Variants in ART3 observed in about 807,000 individuals in gnomAD.
The protein encoded by ART3 is ADP-ribosyltransferase 3 (inactive).
Under a neutral mutation model 48.5 loss-of-function variants are expected in ART3, and 49 were observed. The observed-to-expected ratio is 1.01, with a 90% CI of 0.80 to 1.28. ART3 has a LOEUF of 1.28. ART3 is among the 50% of genes most tolerant of loss of function. The probability of loss-of-function intolerance (pLI) is 0.00; values close to 1 mark genes in which losing one functional copy is unlikely to be tolerated. For missense variants in ART3, 438 were observed against 454.3 expected (o/e 0.96, Z 0.33); for synonymous variants, 145 against 157.2 (o/e 0.92, Z 0.58).
rs555959779 is a variant in ART3, at chr4:76,051,172, C to T, written c.-9-24709C>T. Among the ~76,000 whole-genome samples, 16 of 152,366 alleles carry T rather than the reference C, an allele frequency of 1.1e-4. No individual in the cohort carries two copies. In the East Asian group the frequency reaches 3.1e-3, roughly 29 times the overall value. On this transcript the variant is annotated intron_variant, in intron 1 of 9. Coordinates refer to the ART3 transcript ENST00000341029. ...GTGGGAGCCCAGGCAGAGGAGGTGC[C>T]GAGAGCAAGCGAGGGCTGTGAGGAC...
At chr4:76,063,611 A>G (rs543113468) in intron 1 of ART3, among the ~76,000 whole-genome samples, 1 of 152,332 alleles carries the variant, frequency 6.6e-6, no homozygotes, top group Non-Finnish European at 1.5e-5. Flanking sequence ...TGTGCCATAT[A>G]TATTCCTTTG....
In ART3 at chr4:76,081,917, C is replaced by A. The variant is rs199525110; in HGVS notation, c.163C>A (p.Leu55Met). The A allele has an allele frequency of 1.6e-4, 255 of 1,614,042 alleles. No individual in the cohort carries two copies. Among genetic ancestry groups the A allele is most frequent in the Non-Finnish European group, 2.0e-4 (232 of 1,180,040 alleles). ...DRMEIKYVPQ[L>M]LKEEKASHQQ... ...GATGGAAATTAAATACGTTCCCCAA[C>A]TGCTAAAGGAGGAAAAAGCAAGCCA... is the stretch of plus-strand genomic sequence containing the variant. The change falls in exon 3 of 12, where the codon CTG (leucine) becomes ATG (methionine). Residue 55 changes from leucine (L) to methionine (M), a missense_variant. Physicochemically the swap from Leu to Met is conservative, Grantham distance 15. This residue lies in a region of ART3 where 206 missense variants were observed against 205.3 expected (regional missense o/e 1.00). Coordinates refer to ENST00000355810, the MANE Select transcript of ART3 (RefSeq NM_001130016.3).
chr4:76,097,546 G>A (rs1726283820), intron 3 of ART3, 98 bp from the exon 4 acceptor site: 4 of 1,022,940 alleles, frequency 3.9e-6, no homozygotes, highest in Non-Finnish European at 5.9e-6. Flanking sequence ...TGATAAACCA[G>A]GAGCTGACAG....
intron 1 of ART3, chr4:76,021,631 G>A (rs1467025914): frequency 8.3e-6 from 3 of 362,660 alleles, no homozygotes; most frequent in African/African-American, 2.1e-5. Flanking sequence ...GATGGGAAAG[G>A]TGAGGGAAAT....
chr4:76,061,292 C>T (rs114271499), intron 1 of ART3, among the ~76,000 whole-genome samples: 2,953 of 152,258 alleles, frequency 0.019, 29 homozygotes, highest in Non-Finnish European at 0.028. Flanking sequence ...ACTCCTTAGC[C>T]AGAAATCTGG....
chr4:76,021,939 T>A (rs528493936), intron 1 of ART3: 3 of 1,611,680 alleles, frequency 1.9e-6, no homozygotes, highest in African/African-American at 1.3e-5. Flanking sequence ...TTTAAGGAGA[T>A]CTTTTAGACC....
At chr4:76,035,861 G>A in intron 1 of ART3, 1 of 1,386,090 alleles carries the variant, frequency 7.2e-7, no homozygotes. Flanking sequence ...GATAAAAGTG[G>A]AAGAAAAGAC....
rs143777556 is a variant in ART3, at chr4:76,052,407, C to T, written c.-9-23474C>T. Among the ~76,000 whole-genome samples, 1,100 of 152,318 alleles carry T rather than the reference C, an allele frequency of 7.2e-3. 11 individuals are homozygous for T. The highest frequency in any genetic ancestry group is 0.012 in the Non-Finnish European group (813 of 68,030). ...TTTCAGTGACTACCGTATCACCATA[C>T]GGAACTTCTCATGCTTGAGAGAGCC... On this transcript the variant is annotated intron_variant, in intron 1 of 9. Coordinates refer to the ART3 transcript ENST00000341029.
chr4:76,054,855 G>A (rs1315868172), intron 1 of ART3, among the ~76,000 whole-genome samples: 2 of 152,180 alleles, frequency 1.3e-5, no homozygotes, highest in African/African-American at 4.8e-5. Flanking sequence ...TAAATATTTA[G>A]GCTATGTTTT....
chr4:76,011,470 C>G (rs1242594479), intron 1 of ART3: 1 of 152,632 alleles, frequency 6.6e-6, no homozygotes, highest in South Asian at 2.1e-4. Context: ...AGGTTTCACA[C>G]GAGGCTTGGG....
chr4:76,081,037 G>C (rs935422720), intron 2 of ART3, among the ~76,000 whole-genome samples: 6 of 152,198 alleles, frequency 3.9e-5, no homozygotes, highest in African/African-American at 1.4e-4. Context: ...CTGAAATACA[G>C]TTCAAACTAG....
At chr4:76,015,566 A>G (rs1179885579) in intron 1 of ART3, among the ~76,000 whole-genome samples, 1 of 152,254 alleles carries the variant, frequency 6.6e-6, no homozygotes, top group South Asian at 2.1e-4. Flanking sequence ...AACCTTCCTT[A>G]TCAGTAATAA....
chr4:76,076,769 A>G (rs2149523988), intron 2 of ART3, among the ~76,000 whole-genome samples: 1 of 152,134 alleles, frequency 6.6e-6, no homozygotes. Context: ...CAGAACTTTT[A>G]TGATTTTATT....
chr4:76,082,156 GT>G lies in ART3; in HGVS notation c.404del (p.Phe135SerfsTer15). On this transcript the variant is annotated frameshift_variant, in exon 3 of 12. Transcript: ENST00000355810. LOFTEE classifies it high-confidence loss of function. ...SREDYIYGFQFKAFHFYLTRA... is the reference protein window; with the variant it reads ...SREDYIYGFQXKAFHFYLTRA... ...GAGAAGATTATATCTATGGCTTCCA[GT>G]TCAAAGCTTTCCACTTTTACCTCAC... 1 of 1,614,196 alleles carries G rather than the reference GT, an allele frequency of 6.2e-7. No individual in the cohort carries two copies. Among genetic ancestry groups the G allele is most frequent in the Admixed American group, 1.7e-5 (1 of 60,030 alleles).
rs1733152823 is a variant in ART3 at position 76,024,202 on chromosome 4, A to G, written c.-10+12882A>G. 1.3e-5 allele frequency among the ~76,000 whole-genome samples: 2 copies of G among 152,192 alleles called. 1 individual carries two copies. The highest frequency in any genetic ancestry group is 4.1e-4 in the South Asian group (2 of 4,832). On this transcript the variant is annotated intron_variant, in intron 1 of 9. Coordinates refer to the ART3 transcript ENST00000341029. ...AGTCCCTGAATGAAAACATCATAAG[A>G]TGGTATCTAGAATGGTGTGAGAAAA...
At chr4:76,079,176 T>TTA (rs1553932371) in intron 2 of ART3, among the ~76,000 whole-genome samples, 1 of 130,874 alleles carries the variant, frequency 7.6e-6, no homozygotes, top group Admixed American at 7.7e-5. Context: ...TCATCTTTGT[T>TTA]AAAAAAAAAA....
chr4:76,017,933 A>AG lies in ART3; in HGVS notation c.-10+6614dup, dbSNP rs572906071. ...CTCATGGCCACTGCCAGGGGAAGGG[A>AG]GAGGGGTGGCATTGGCCATTCAAGA... On this transcript the variant is annotated intron_variant, in intron 1 of 9. Transcript: ENST00000341029. Among the ~76,000 whole-genome samples, 198 of 152,316 alleles carry AG rather than the reference A, an allele frequency of 1.3e-3. 3 individuals are homozygous for AG. The highest frequency in any genetic ancestry group is 4.4e-3 in the African/African-American group (183 of 41,566).
intron 2 of ART3, among the ~76,000 whole-genome samples, chr4:76,080,854 T>C (rs1352691616): frequency 6.6e-6 from 1 of 152,148 alleles, no homozygotes; most frequent in Non-Finnish European, 1.5e-5. Flanking sequence ...GGATTAGAAA[T>C]GTCAAGTAAC....
At chr4:76,090,999 A>G (rs1258133822) in intron 3 of ART3, among the ~76,000 whole-genome samples, 3 of 152,214 alleles carry the variant, frequency 2.0e-5, no homozygotes, top group Non-Finnish European at 4.4e-5. Flanking sequence ...TTCAAATCTT[A>G]TCATACAGTA....
Sources: allele counts gnomAD v4.1 joint callset (sites outside exome capture counted in the v4.1 genomes callset), GRCh38; gene constraint gnomAD v4.1.1; regional missense constraint gnomAD v4.1.1; transcripts MANE v1.5; gene names NCBI Gene and HGNC (gene_info 2026-07-23, HGNC 2026-07-21).